The following SETD5 variants were observed in gnomAD, a reference collection of about 807,000 sequenced individuals.
The protein encoded by SETD5 is SET domain containing 5, also known as histone-lysine N-methyltransferase SETD5.
SETD5 carries 44 observed loss-of-function variants against 153.3 expected under a neutral mutation model. The observed-to-expected ratio is 0.29, with a 90% CI of 0.23 to 0.37. The LOEUF (loss-of-function observed/expected upper bound fraction) is 0.37, where lower values mean the gene tolerates loss of function less well. Among genes scored for constraint, SETD5 ranks in the 10% least tolerant of loss-of-function variants. SETD5 has a pLI of 1.00. For missense variants in SETD5, 1,544 were observed against 1,768.0 expected, an observed-to-expected ratio of 0.87 and a Z score of 2.27; for synonymous variants, 716 against 645.2, an observed-to-expected ratio of 1.11 and a Z score of -1.66.
chr3:9,469,993 T>A (rs904724515), intron 18 of SETD5, among the ~76,000 whole-genome samples: 1 of 152,152 alleles, frequency 6.6e-6, no homozygotes, highest in Admixed American at 6.5e-5. Flanking sequence ...TTCCTCCACC[T>A]TTTTCCCTTC....
intron 7 of SETD5, chr3:9,436,810 C>A (rs2040624069): frequency 1.3e-6 from 2 of 1,540,262 alleles, no homozygotes; most frequent in Non-Finnish European, 1.8e-6. Context: ...TTCTTGGTAC[C>A]AAGTTTTGTT....
chr3:9,474,706 T>C, intron 21 of SETD5, 124 bp downstream of exon 21: 2 of 1,342,490 alleles, frequency 1.5e-6, no homozygotes, highest in East Asian at 2.3e-5. Context: ...CACCGCATGC[T>C]AGGTTCCAGC....
chr3:9,438,578 A>C (rs1180094848), intron 7 of SETD5, among the ~76,000 whole-genome samples: 2 of 152,204 alleles, frequency 1.3e-5, no homozygotes, highest in African/African-American at 4.8e-5. Context: ...TTGAGTTATA[A>C]ATTTTATGCT....
rs1246896314 is a variant in SETD5, at chr3:9,475,138, T to G, written c.3702T>G (p.Pro1234=). The G allele has an allele frequency of 1.9e-6, 3 of 1,585,436 alleles. No individual in the cohort carries two copies. Among genetic ancestry groups the G allele is most frequent in the Non-Finnish European group, 2.6e-6 (3 of 1,165,938 alleles). The change falls in exon 22 of 23, where the codon CCT becomes CCG. Residue 1234 remains proline (P), a synonymous_variant. Transcript: ENST00000402198. ...CTAAAGGAGCAACAGTTTACAGCCCTTCCAGATACAGCTACCAGGTGAGAT... is the reference window on the plus strand; with the variant it reads ...CTAAAGGAGCAACAGTTTACAGCCCGTCCAGATACAGCTACCAGGTGAGAT... ...ALSKGATVYS[P]SRYSYQLLQC...
intron 17 of SETD5, among the ~76,000 whole-genome samples, chr3:9,455,371 G>T (rs1284085436): frequency 6.6e-6 from 1 of 151,462 alleles, no homozygotes; most frequent in Non-Finnish European, 1.5e-5. Context: ...TTCCCAAAGT[G>T]CTGGGATTAC....
At chr3:9,455,208 G>A (rs572908364) in intron 17 of SETD5, among the ~76,000 whole-genome samples, 95 of 119,400 alleles carry the variant, frequency 8.0e-4, no homozygotes, top group African/African-American at 2.9e-3. Flanking sequence ...AGAATCAAGC[G>A]ATTCTCCCTG....
At position 9,449,741 on chromosome 3, in the gene SETD5, G is replaced by A. The variant is rs537828200; in HGVS notation, c.2346+1111G>A. 3.9e-5 allele frequency: 6 copies of A among 152,354 alleles called. No individual in the cohort carries two copies. The South Asian group carries it at 1.2e-3, about 32-fold the overall frequency. The allele number at this position is 152,354 out of a possible 1,614,324, so 9.4% of individuals were successfully genotyped here. On this transcript the variant is annotated intron_variant, in intron 16 of 22. Transcript: ENST00000402198. ...GAGGGCAATAGGAATCTGCAAAAAGGAAGGACACTACTGCTGAATGAGCAG... is the reference window on the plus strand; with the variant it reads ...GAGGGCAATAGGAATCTGCAAAAAGAAAGGACACTACTGCTGAATGAGCAG...
intron 7 of SETD5, among the ~76,000 whole-genome samples, chr3:9,437,043 A>G (rs980831857): frequency 2.6e-5 from 4 of 152,202 alleles, no homozygotes; most frequent in Non-Finnish European, 5.9e-5. Flanking sequence ...GCTTTTCTCC[A>G]AAGTAGATTT....
intron 18 of SETD5, among the ~76,000 whole-genome samples, chr3:9,466,473 A>C (rs1060894): frequency 0.07 from 10,584 of 152,014 alleles, 546 homozygotes; most frequent in African/African-American, 0.13. Flanking sequence ...TTAATAATAC[A>C]GTCCATGCAT....
chr3:9,421,239 A>G (rs2038346344), intron 1 of SETD5, among the ~76,000 whole-genome samples: 1 of 152,170 alleles, frequency 6.6e-6, no homozygotes, highest in South Asian at 2.1e-4. Flanking sequence ...TTCTGAGGTC[A>G]CTAATTATGT....
intron 17 of SETD5, 55 bp downstream of exon 17, chr3:9,453,923 T>G: frequency 6.9e-7 from 1 of 1,447,958 alleles, no homozygotes; most frequent in Admixed American, 2.8e-5. Context: ...CAGGTCTGCA[T>G]AAAAAATTTA....
intron 3 of SETD5, chr3:9,432,180 C>G (rs1452427642): frequency 4.0e-6 from 2 of 499,080 alleles, no homozygotes; most frequent in African/African-American, 4.2e-5. Context: ...CTCCCCCGTT[C>G]CCATCTTGCA....
intron 19 of SETD5, among the ~76,000 whole-genome samples, chr3:9,472,079 C>T (rs977670429): frequency 1.3e-5 from 2 of 152,114 alleles, no homozygotes; most frequent in African/African-American, 4.8e-5. Context: ...AAGATTGTTG[C>T]GTGAACAGCA....
intron 15 of SETD5, among the ~76,000 whole-genome samples, 175 bp from the exon 16 acceptor site, chr3:9,448,213 T>C (rs2042234882): frequency 6.6e-6 from 1 of 152,200 alleles, no homozygotes; most frequent in Admixed American, 6.5e-5. Context: ...AAATTATTCC[T>C]CTCTTAGTGG....
At chr3:9,398,721 C>G (rs749321474) in intron 1 of SETD5, 14 of 152,232 alleles carry the variant, frequency 9.2e-5, no homozygotes, top group Admixed American at 3.9e-4. Context: ...TTCTCTTTCC[C>G]TCTGCGTGTA....
intron 15 of SETD5, 96 bp downstream of exon 15, chr3:9,448,102 TATTACTAG>T (rs1487869038): frequency 7.6e-7 from 1 of 1,310,598 alleles, no homozygotes; most frequent in Admixed American, 2.8e-5. Context: ...CTAATCTCAA[TATTACTAG>T]ATTGAAAGTT....
intron 17 of SETD5, among the ~76,000 whole-genome samples, chr3:9,456,480 T>TA (rs369657820): frequency 0.17 from 20,284 of 121,696 alleles, 2,871 homozygotes; most frequent in African/African-American, 0.41. Flanking sequence ...CTTTAAAACT[T>TA]AAAAAAAAAA....
At chr3:9,440,357 T>C in intron 7 of SETD5, 99 bp from the exon 8 acceptor site, 1 of 664,076 alleles carries the variant, frequency 1.5e-6, no homozygotes, top group Non-Finnish European at 2.7e-6. Context: ...AATTGCCAAG[T>C]GATAAATTTT....
intron 16 of SETD5, among the ~76,000 whole-genome samples, chr3:9,449,920 G>A (rs2042427754): frequency 6.6e-6 from 1 of 152,278 alleles, no homozygotes; most frequent in East Asian, 1.9e-4. Context: ...AAGCCAGGTC[G>A]TACAATCTCC....
Sources: allele counts gnomAD v4.1 joint callset (sites outside exome capture counted in the v4.1 genomes callset), GRCh38; gene constraint gnomAD v4.1.1; transcripts MANE v1.5; gene names NCBI Gene and HGNC (gene_info 2026-07-23, HGNC 2026-07-21).